The following NRDC variants were observed in gnomAD, a reference collection of about 807,000 sequenced individuals.
NRDC encodes the protein nardilysin convertase, also known as nardilysin.
Under a neutral mutation model 147.1 loss-of-function variants are expected in NRDC, and 54 were observed. The observed-to-expected ratio is 0.37, with a 90% CI of 0.29 to 0.46. The LOEUF is 0.46. Among genes scored for constraint, NRDC ranks in the 20% least tolerant of loss-of-function variants. The probability of loss-of-function intolerance (pLI) is 1.00; values close to 1 mark genes in which losing one functional copy is unlikely to be tolerated. For synonymous variants in NRDC, 440 were observed against 482.1 expected (o/e 0.91, Z 1.14); for missense variants, 1,082 against 1,370.6 (o/e 0.79, Z 3.33).
At chr1:51,791,187 C>T (rs1165579061) in intron 27 of NRDC, among the ~76,000 whole-genome samples, 197 bp from the exon 28 acceptor site, 1 of 152,184 alleles carries the variant, frequency 6.6e-6, no homozygotes, top group Non-Finnish European at 1.5e-5. Flanking sequence ...CTCCCCCTCA[C>T]CCCACCTCCA....
At position 51,827,799 on chromosome 1, in the gene NRDC, T is replaced by A; in HGVS notation, c.937A>T (p.Ser313Cys). ...AIDREVEAVDSEYQLARPSDA... is the reference protein window; with the variant it reads ...AIDREVEAVDCEYQLARPSDA... ...ACACATAAAGTACTCCTCTTACCAC[T>A]ATCAACAGCTTCAACTTCACGGTCA... Residue 313 changes from serine to cysteine, a missense_variant, in exon 5 of 31, where the codon AGT becomes TGT. Ser to Cys is a moderately radical substitution (Grantham distance 112). Coordinates refer to ENST00000352171, the MANE Select transcript of NRDC (RefSeq NM_001101662.2). 1 of 1,613,568 alleles carries A rather than the reference T, an allele frequency of 6.2e-7. No homozygotes were observed. The highest frequency in any genetic ancestry group is 8.5e-7 in the Non-Finnish European group (1 of 1,179,526).
At chr1:51,807,418 C>T (rs562327690) in intron 17 of NRDC, among the ~76,000 whole-genome samples, 2 of 152,092 alleles carry the variant, frequency 1.3e-5, no homozygotes, top group African/African-American at 2.4e-5. Context: ...GGTAAAAGAG[C>T]TGGATTTGGT....
Position 51,825,366 on chromosome 1 carries a change from C to T in NRDC, c.957G>A (p.Arg319=), listed in dbSNP as rs1386036776. 1.3e-6 allele frequency: 2 copies of T among 1,590,834 alleles called. No homozygotes were observed. Among genetic ancestry groups the T allele is most frequent in the Admixed American group, 3.8e-5 (2 of 52,864 alleles). ...TTTCCTTTCTGTTTGCATCAGAAGG[C>T]CTTGCAAGTTGATATTCTGTCAATT... ...EAVDSEYQLA[R]PSDANRKEML... is the part of the protein sequence containing the mutation. The change falls in exon 6 of 31, where the codon AGG becomes AGA. Residue 319 remains arginine (R), a synonymous_variant. Transcript: ENST00000352171.
intron 1 of NRDC, among the ~76,000 whole-genome samples, chr1:51,861,851 C>T (rs1682560607): frequency 6.6e-6 from 1 of 152,098 alleles, no homozygotes; most frequent in African/African-American, 2.4e-5. Context: ...CACACACGCA[C>T]ACATTTATAT....
chr1:51,793,402 A>G (rs1239988924), intron 24 of NRDC, among the ~76,000 whole-genome samples: 1 of 152,188 alleles, frequency 6.6e-6, no homozygotes, highest in Non-Finnish European at 1.5e-5. Context: ...AAGAGGCTGC[A>G]GGTTGGAATG....
intron 1 of NRDC, among the ~76,000 whole-genome samples, chr1:51,865,673 C>G (rs559201384): frequency 2.6e-4 from 39 of 152,198 alleles, no homozygotes; most frequent in Admixed American, 2.0e-3. Context: ...TAAATGATGC[C>G]TTCTCCACTC....
chr1:51,821,277 T>C (rs1240253233), intron 8 of NRDC, among the ~76,000 whole-genome samples: 1 of 152,196 alleles, frequency 6.6e-6, no homozygotes, highest in Non-Finnish European at 1.5e-5. Context: ...TTGCTTACTA[T>C]ATACATTTAC....
At chr1:51,831,593 T>C (rs1301692635) in intron 4 of NRDC, among the ~76,000 whole-genome samples, 1 of 152,030 alleles carries the variant, frequency 6.6e-6, no homozygotes, top group Non-Finnish European at 1.5e-5. Flanking sequence ...TTTTTTTTTT[T>C]TTTGAGACAG....
intron 1 of NRDC, among the ~76,000 whole-genome samples, chr1:51,869,841 T>G (rs575512252): frequency 6.6e-6 from 1 of 152,252 alleles, no homozygotes; most frequent in Non-Finnish European, 1.5e-5. Flanking sequence ...TTGTATCATT[T>G]GCACTTCTGT....
At chr1:51,867,635 A>G (rs1682880721) in intron 1 of NRDC, among the ~76,000 whole-genome samples, 1 of 152,082 alleles carries the variant, frequency 6.6e-6, no homozygotes, top group Admixed American at 6.5e-5. Context: ...AACTGATCAA[A>G]GCATTTCAAG....
chr1:51,865,078 C>A (rs1424702941), intron 1 of NRDC, among the ~76,000 whole-genome samples: 1 of 151,382 alleles, frequency 6.6e-6, no homozygotes, highest in Non-Finnish European at 1.5e-5. Flanking sequence ...AAACAAGGAG[C>A]AAACATAAGC....
At chr1:51,820,131 C>T (rs1332501787) in intron 8 of NRDC, among the ~76,000 whole-genome samples, 2 of 152,120 alleles carry the variant, frequency 1.3e-5, no homozygotes, top group Admixed American at 1.3e-4. Flanking sequence ...CCCCTCTCAC[C>T]CCAATATTTA....
chr1:51,867,764 A>AAGTCTACTCTGAGTGAGCTTACAG (rs1334476341), intron 1 of NRDC, among the ~76,000 whole-genome samples: 2 of 152,238 alleles, frequency 1.3e-5, no homozygotes, highest in Non-Finnish European at 2.9e-5. Flanking sequence ...ATAGTGGCAG[A>AAGTCTACTCTGAGTGAGCTTACAG]AGTCTACTCT....
chr1:51,860,726 A>G (rs1475929283), intron 1 of NRDC, among the ~76,000 whole-genome samples: 1 of 152,254 alleles, frequency 6.6e-6, no homozygotes, highest in African/African-American at 2.4e-5. Flanking sequence ...GTCTAGAATA[A>G]TAAGGAACAG....
At chr1:51,873,746 G>A (rs1005893139) in intron 1 of NRDC, among the ~76,000 whole-genome samples, 2 of 151,318 alleles carry the variant, frequency 1.3e-5, no homozygotes, top group African/African-American at 2.4e-5. Flanking sequence ...CCTGACCTCA[G>A]ATGATCCACC....
intron 2 of NRDC, among the ~76,000 whole-genome samples, chr1:51,839,508 T>C (rs1430612446): frequency 6.6e-6 from 1 of 152,192 alleles, no homozygotes; most frequent in African/African-American, 2.4e-5. Context: ...AATTCCACTG[T>C]ACTGGCTCCG....
chr1:51,789,490 G>C, intron 30 of NRDC, 57 bp from the exon 31 acceptor site: 1 of 1,599,102 alleles, frequency 6.3e-7, no homozygotes, highest in Non-Finnish European at 8.6e-7. Flanking sequence ...AGGGGTTTAA[G>C]AGTTCTGATG....
intron 22 of NRDC, among the ~76,000 whole-genome samples, chr1:51,797,647 A>G (rs1043809994): frequency 6.6e-6 from 1 of 152,178 alleles, no homozygotes; most frequent in Admixed American, 6.5e-5. Flanking sequence ...TAGCCTCTAT[A>G]CTAAACTGTT....
chr1:51,803,892 C>G lies in NRDC; in HGVS notation c.2235G>C (p.Val745=). Residue 745 remains valine, a synonymous_variant, in exon 20 of 31, where the codon GTG becomes GTC. Coordinates refer to ENST00000352171, the MANE Select transcript of NRDC (RefSeq NM_001101662.2). ...CTACCAGTTTATACTCCAGCTGTGC[C>G]ACATCTGCTTCATAAGCTGGTTCCG... ...NLAEPAYEAD[V]AQLEYKLVAG... 1 of 1,613,562 alleles carries G rather than the reference C, an allele frequency of 6.2e-7. No individual in the cohort carries two copies.
Sources: gnomAD v4.1 joint callset for allele counts (sites outside exome capture counted in the v4.1 genomes callset) on GRCh38, gnomAD v4.1.1 for gene constraint, MANE v1.5 for transcripts, NCBI Gene and HGNC (gene_info 2026-07-23, HGNC 2026-07-21) for gene names.